The following CCDC33 variants were observed in gnomAD, a reference collection of about 807,000 sequenced individuals.
CCDC33 encodes the protein coiled-coil domain-containing protein 33.
Under a neutral mutation model 91.9 loss-of-function variants are expected in CCDC33, and 94 were observed. That is an observed-to-expected ratio of 1.02 (90% confidence interval 0.87 to 1.21). The LOEUF is 1.21. Ranked by LOEUF, CCDC33 falls within the 50% of genes most tolerant of loss-of-function variation. CCDC33 has a pLI of 0.00. For missense variants in CCDC33, 940 were observed against 935.5 expected (o/e 1.00, Z -0.06); for synonymous variants, 396 against 374.5 (o/e 1.06, Z -0.66).
intron 7 of CCDC33, among the ~76,000 whole-genome samples, chr15:74,278,378 G>T (rs983429319): frequency 1.3e-5 from 2 of 152,272 alleles, no homozygotes; most frequent in African/African-American, 4.8e-5. Context: ...GATTCCTGTG[G>T]GGGAGCAGGA....
In CCDC33 at chr15:74,298,709, C is replaced by CTTT. The variant is rs35450110; in HGVS notation, c.1290+2781_1290+2783dup. 4.3e-3 allele frequency among the ~76,000 whole-genome samples: 321 copies of CTTT among 75,518 alleles called. 4 individuals are homozygous for CTTT. The highest frequency in any genetic ancestry group is 0.028 in the Middle Eastern group (3 of 108). 49.5% of individuals were successfully genotyped at this position (75,518 alleles called of 152,430 possible). On this transcript the variant is annotated intron_variant, in intron 11 of 18. Transcript: ENST00000398814. ...CATTCGACACCCTGGCTAATTCTGC[C>CTTT]TTTTTTTTTTTTTTTTTTTTTTGAG...
At chr15:74,307,740 A>G (rs2059916691) in intron 11 of CCDC33, among the ~76,000 whole-genome samples, 1 of 144,212 alleles carries the variant, frequency 6.9e-6, no homozygotes. Flanking sequence ...AAACCCCAGT[A>G]ATCAAAATAT....
intron 1 of CCDC33, chr15:74,208,083 T>G (rs1326775920): frequency 8.2e-7 from 1 of 1,218,918 alleles, no homozygotes; most frequent in Non-Finnish European, 1.0e-6. Context: ...TGTTCTGGTA[T>G]GAGGGTGGAC....
upstream of CCDC33, among the ~76,000 whole-genome samples, chr15:74,216,022 TG>T (rs1430858925): frequency 6.6e-6 from 1 of 152,150 alleles, no homozygotes; most frequent in Non-Finnish European, 1.5e-5. Flanking sequence ...TTGCAGGGGA[TG>T]GGGCCAGGAT....
At chr15:74,333,097 C>A in intron 16 of CCDC33, 1 of 863,160 alleles carries the variant, frequency 1.2e-6, no homozygotes, top group Non-Finnish European at 1.9e-6. Flanking sequence ...CCCTTGGTCC[C>A]TGAACCCTGA....
At chr15:74,276,554 G>A (rs2076455182) in intron 7 of CCDC33, among the ~76,000 whole-genome samples, 1 of 152,040 alleles carries the variant, frequency 6.6e-6, no homozygotes, top group Non-Finnish European at 1.5e-5. Context: ...CTCCCCTCAG[G>A]CCCCTGCCAT....
At chr15:74,226,639 C>A (rs1343930112) in intron 2 of CCDC33, among the ~76,000 whole-genome samples, 8 of 152,034 alleles carry the variant, frequency 5.3e-5, no homozygotes, top group Non-Finnish European at 1.2e-4. Flanking sequence ...CCAGCCTGAC[C>A]AACATGGTGA....
At chr15:74,255,474 G>T (rs1265941318) in intron 2 of CCDC33, among the ~76,000 whole-genome samples, 1 of 152,256 alleles carries the variant, frequency 6.6e-6, no homozygotes, top group African/African-American at 2.4e-5. Flanking sequence ...CCATACAAAG[G>T]TGGGGACAGA....
At chr15:74,324,205 T>C (rs1186898997) in intron 11 of CCDC33, among the ~76,000 whole-genome samples, 3 of 152,070 alleles carry the variant, frequency 2.0e-5, no homozygotes, top group Non-Finnish European at 4.4e-5. Context: ...TTTTCTATTT[T>C]TACCTTCATG....
exon 2 of CCDC33, chr15:74,209,441 A>G (rs1023286831): frequency 6.5e-7 from 1 of 1,535,428 alleles, no homozygotes; most frequent in Middle Eastern, 1.7e-4. Flanking sequence ...GGCTCTTAAT[A>G]ACCGGATCTG....
Position 74,274,547 on chromosome 15 carries a change from G to A in CCDC33, c.759+1656G>A, listed in dbSNP as rs1157239204. On this transcript the variant is annotated intron_variant, in intron 7 of 18. Transcript: ENST00000398814. ...CTCAGACATGGGGTAGAGTGATGGT[G>A]GTGGGGAGGAGTGGGACAAAGGGGG... Among the ~76,000 whole-genome samples, 6 of 152,364 alleles carry A rather than the reference G, an allele frequency of 3.9e-5. No homozygotes were observed. The East Asian group carries it at 9.6e-4, about 24-fold the overall frequency.
chr15:74,252,942 T>C (rs943785685), intron 2 of CCDC33, among the ~76,000 whole-genome samples: 4 of 152,184 alleles, frequency 2.6e-5, no homozygotes, highest in Non-Finnish European at 4.4e-5. Flanking sequence ...GAAGGATGGT[T>C]GGCCTGAGAA....
intron 1 of CCDC33, among the ~76,000 whole-genome samples, chr15:74,206,368 C>T (rs924113086): frequency 6.6e-6 from 1 of 152,150 alleles, no homozygotes; most frequent in African/African-American, 2.4e-5. Context: ...GGGCTAGAAT[C>T]GCTTGGAGCT....
intron 10 of CCDC33, 114 bp from the exon 11 acceptor site, chr15:74,295,640 C>A: frequency 1.1e-6 from 1 of 870,680 alleles, no homozygotes; most frequent in Non-Finnish European, 1.8e-6. Flanking sequence ...GCCAGCCATG[C>A]AGGGCCTCCT....
At chr15:74,305,284 C>T (rs778588141) in intron 11 of CCDC33, among the ~76,000 whole-genome samples, 5 of 152,194 alleles carry the variant, frequency 3.3e-5, no homozygotes, top group East Asian at 1.9e-4. Context: ...CTTAAATCTA[C>T]ACTTCTAAGG....
At chr15:74,250,681 C>T (rs1207992043) in intron 2 of CCDC33, among the ~76,000 whole-genome samples, 1 of 152,236 alleles carries the variant, frequency 6.6e-6, no homozygotes, top group Non-Finnish European at 1.5e-5. Flanking sequence ...CGTGGACAAC[C>T]ACCAGGTCTG....
intron 1 of CCDC33, chr15:74,208,994 AGTGTCC>A: frequency 9.8e-7 from 1 of 1,023,472 alleles, no homozygotes; most frequent in Non-Finnish European, 1.2e-6. Context: ...GGCCCTGAGA[AGTGTCC>A]CCAGCACCTG....
upstream of CCDC33, among the ~76,000 whole-genome samples, chr15:74,215,956 G>A (rs910718038): frequency 2.6e-5 from 4 of 152,128 alleles, no homozygotes; most frequent in African/African-American, 9.7e-5. Flanking sequence ...AGGGGTATGT[G>A]GGAAGTATTG....
chr15:74,216,220 T>C (rs2074444294), upstream of CCDC33, among the ~76,000 whole-genome samples: 2 of 152,254 alleles, frequency 1.3e-5, no homozygotes, highest in Non-Finnish European at 2.9e-5. Context: ...GCCCAGCCGC[T>C]GAGGCAAAGG....
Sources: allele counts gnomAD v4.1 joint callset (sites outside exome capture counted in the v4.1 genomes callset), GRCh38; gene constraint gnomAD v4.1.1; transcripts MANE v1.5; gene names NCBI Gene and HGNC (gene_info 2026-07-23, HGNC 2026-07-21).